LRCH3: variants seen among roughly 807,000 people sequenced by gnomAD.
LRCH3 encodes the protein leucine rich repeats and calponin homology domain containing 3, also known as DISP complex protein LRCH3.
A neutral mutation model predicts 104.5 loss-of-function variants in LRCH3; 68 were observed. That is an observed-to-expected ratio of 0.65 (90% CI 0.54 to 0.80). The LOEUF (loss-of-function observed/expected upper bound fraction) is 0.80, where lower values mean the gene tolerates loss of function less well. Ranked by LOEUF, LRCH3 falls within the 30% of genes least tolerant of loss-of-function variation. The pLI, the probability that LRCH3 is intolerant of heterozygous loss-of-function variation, is 0.00. For missense variants in LRCH3, 951 were observed against 953.9 expected, an observed-to-expected ratio of 1.00 and a Z score of 0.04; for synonymous variants, 344 against 361.3, an observed-to-expected ratio of 0.95 and a Z score of 0.54.
chr3:197,869,940 C>T (rs1458916111), intron 17 of LRCH3, among the ~76,000 whole-genome samples: 1 of 150,108 alleles, frequency 6.7e-6, no homozygotes, highest in Non-Finnish European at 1.5e-5. Context: ...AGGTAGAAAG[C>T]GATGCACTGT....
At chr3:197,813,921 G>T (rs1733519641) in intron 1 of LRCH3, among the ~76,000 whole-genome samples, 1 of 152,160 alleles carries the variant, frequency 6.6e-6, no homozygotes, top group South Asian at 2.1e-4. Context: ...TTTTAAAATT[G>T]TGATATTCTA....
At chr3:197,867,799 G>A (rs928320325) in intron 17 of LRCH3, among the ~76,000 whole-genome samples, 2 of 152,104 alleles carry the variant, frequency 1.3e-5, no homozygotes, top group Non-Finnish European at 2.9e-5. Context: ...AGCTTGCAGT[G>A]AGCCGAGATC....
intron 1 of LRCH3, among the ~76,000 whole-genome samples, chr3:197,812,448 G>A (rs1045948081): frequency 7.1e-6 from 1 of 140,044 alleles, no homozygotes; most frequent in Non-Finnish European, 1.5e-5. Context: ...TGACTGTTGT[G>A]AATAATGCTG....
intron 20 of LRCH3, among the ~76,000 whole-genome samples, chr3:197,879,567 AC>A (rs1225298233): frequency 1.3e-5 from 2 of 151,818 alleles, no homozygotes; most frequent in Non-Finnish European, 2.9e-5. Context: ...AATGGCGGGA[AC>A]CCGGGAGGCG....
At chr3:197,861,966 C>T (rs1740935073) in intron 15 of LRCH3, among the ~76,000 whole-genome samples, 1 of 152,076 alleles carries the variant, frequency 6.6e-6, no homozygotes, top group Non-Finnish European at 1.5e-5. Context: ...TCATCACGCC[C>T]AGTAGTATAT....
At chr3:197,855,787 GTCTTAGT>G (rs1375328394) in intron 14 of LRCH3, among the ~76,000 whole-genome samples, 1 of 152,196 alleles carries the variant, frequency 6.6e-6, no homozygotes, top group Non-Finnish European at 1.5e-5. Context: ...ACTCACTTAA[GTCTTAGT>G]TCTCAGTATT....
At chr3:197,882,715 T>A in intron 20 of LRCH3, 2 of 985,300 alleles carry the variant, frequency 2.0e-6, no homozygotes, top group Non-Finnish European at 2.4e-6. Context: ...CAAGAAAGGG[T>A]TAACCTAACA....
rs58913054 is a variant in LRCH3, at chr3:197,869,481, A to G, written c.1874-679A>G. The stretch of plus-strand genomic sequence containing the variant: ...AAAGCGGTGCACTGTACCTGCAGGA[A>G]GTAGAAAGCGGTGCACTGTACCTGC... On this transcript the variant is annotated intron_variant, in intron 17 of 20. Transcript: ENST00000425562. 6.2e-3 allele frequency among the ~76,000 whole-genome samples: 678 copies of G among 108,896 alleles called. 15 individuals carry two copies. The highest frequency in any genetic ancestry group is 0.019 in the African/African-American group (499 of 26,590). 71.4% of individuals were successfully genotyped at this position (108,896 alleles called of 152,430 possible).
At chr3:197,859,287 A>G in intron 15 of LRCH3, 1 of 209,726 alleles carries the variant, frequency 4.8e-6, no homozygotes, top group Non-Finnish European at 9.7e-6. Context: ...CTTCTACAGT[A>G]GGGGTCAACC....
chr3:197,800,666 A>G lies in LRCH3; in HGVS notation c.262+9126A>G, dbSNP rs549456609. Among the ~76,000 whole-genome samples the G allele has an allele frequency of 2.0e-5, 3 of 152,338 alleles. No individual in the cohort carries two copies. In the South Asian group the frequency reaches 6.2e-4, roughly 32 times the overall value. The stretch of plus-strand genomic sequence containing the variant: ...GACTCAGAAATTCCACTCTTGAGAT[A>G]AATCTCTCAGAGAAAGTTGTGTGTA... On this transcript the variant is annotated intron_variant, in intron 1 of 20. Coordinates refer to ENST00000425562, the MANE Select transcript of LRCH3 (RefSeq NM_001365715.1).
intron 4 of LRCH3, among the ~76,000 whole-genome samples, chr3:197,825,106 T>G (rs533711376): frequency 3.0e-4 from 46 of 152,338 alleles, no homozygotes; most frequent in Non-Finnish European, 5.4e-4. Flanking sequence ...CTTTTAAGTG[T>G]TTTTTCACTT....
intron 17 of LRCH3, among the ~76,000 whole-genome samples, chr3:197,869,377 C>T (rs188129272): frequency 3.9e-4 from 59 of 150,768 alleles, no homozygotes; most frequent in Non-Finnish European, 7.4e-4. Context: ...AAGCGGTGCA[C>T]TGTACCTGCA....
chr3:197,838,153 C>T lies in LRCH3; in HGVS notation c.1252-1168C>T, dbSNP rs754473648. On this transcript the variant is annotated intron_variant, in intron 9 of 20. Coordinates refer to ENST00000425562, the MANE Select transcript of LRCH3 (RefSeq NM_001365715.1). ...AAAGTGGTGTAGCTTGGCCTGGTGG[C>T]TCCTTCCTGTAGTCTCAGCCACTCG... Among the ~76,000 whole-genome samples, 32 of 151,832 alleles carry T rather than the reference C, an allele frequency of 2.1e-4. 1 individual carries two copies. The highest frequency in any genetic ancestry group is 5.9e-4 in the Admixed American group (9 of 15,248).
rs779137544 is a variant in LRCH3 at position 197,858,814 on chromosome 3, C to CT, written c.1645-17dup. ...ATAAATGCTGCCTTCTGTTTCTTCT[C>CT]TTTCTCATTTGAAATGTAGTCGCTG... is the stretch of plus-strand genomic sequence containing the variant. On this transcript the variant is annotated intron_variant, in intron 14 of 20. Coordinates refer to ENST00000425562, the MANE Select transcript of LRCH3 (RefSeq NM_001365715.1). The CT allele has an allele frequency of 6.2e-7, 1 of 1,605,952 alleles. No individual in the cohort carries two copies. The highest frequency in any genetic ancestry group is 2.2e-5 in the East Asian group (1 of 44,840).
chr3:197,812,504 G>GTCTTTTTTTT (rs1733250059), intron 1 of LRCH3, among the ~76,000 whole-genome samples: 1 of 48,956 alleles, frequency 2.0e-5, no homozygotes, highest in African/African-American at 7.9e-5. Context: ...TCTGCTTTCA[G>GTCTTTTTTTT]TTTTTTTTTT....
intron 9 of LRCH3, among the ~76,000 whole-genome samples, chr3:197,838,636 AATTTT>A (rs1413431813): frequency 6.6e-6 from 1 of 152,098 alleles, no homozygotes; most frequent in African/African-American, 2.4e-5. Context: ...TTTGATTTAT[AATTTT>A]ATTTTTCAGT....
intron 20 of LRCH3, among the ~76,000 whole-genome samples, chr3:197,876,591 G>T (rs1290410494): frequency 1.3e-5 from 2 of 152,134 alleles, no homozygotes; most frequent in African/African-American, 4.8e-5. Flanking sequence ...CAAATTTAAA[G>T]AAATAAATGA....
intron 1 of LRCH3, among the ~76,000 whole-genome samples, chr3:197,804,261 AAG>A (rs1396925722): frequency 1.2e-3 from 187 of 152,166 alleles, no homozygotes; most frequent in Middle Eastern, 0.01. Context: ...GTCTCAAAAA[AAG>A]AAAAAAAAAA....
intron 15 of LRCH3, among the ~76,000 whole-genome samples, chr3:197,862,568 C>G (rs1300969597): frequency 1.3e-5 from 2 of 152,086 alleles, no homozygotes; most frequent in Admixed American, 6.5e-5. Context: ...AGAATAATCT[C>G]TACCTTGAAT....
Sources: allele counts gnomAD v4.1 joint callset (sites outside exome capture counted in the v4.1 genomes callset), GRCh38; gene constraint gnomAD v4.1.1; transcripts MANE v1.5; gene names NCBI Gene and HGNC (gene_info 2026-07-23, HGNC 2026-07-21).